KCNQ1: variants seen among roughly 807,000 people sequenced by gnomAD.
KCNQ1 encodes potassium voltage-gated channel subfamily Q member 1.
Under a neutral mutation model 72.4 loss-of-function variants are expected in KCNQ1, and 49 were observed. The observed-to-expected ratio is 0.68, with a 90% CI of 0.54 to 0.86. KCNQ1 has a LOEUF of 0.86. Among genes scored for constraint, KCNQ1 ranks in the 40% least tolerant of loss-of-function variants. KCNQ1 has a pLI of 0.00. For missense variants in KCNQ1, 790 were observed against 945.1 expected (o/e 0.84, Z 2.15); for synonymous variants, 450 against 412.6 (o/e 1.09, Z -1.10).
Position 2,734,307 on chromosome 11 carries a change from T to C in KCNQ1, c.1515-34537T>C, listed in dbSNP as rs370755181. ...AGGGCAGGGGTGGCCAAAAGGCGCC[T>C]AGAAGGCTGGACTTTCCGTGAGGTG... On this transcript the variant is annotated intron_variant, in intron 11 of 15. Coordinates refer to ENST00000155840, the MANE Select transcript of KCNQ1 (RefSeq NM_000218.3). The surrounding 1 kb of genome is among the most constrained non-coding windows in gnomAD (Gnocchi z 7.0). Among the ~76,000 whole-genome samples, 68 of 152,326 alleles carry C rather than the reference T, an allele frequency of 4.5e-4. 1 individual carries two copies. In the South Asian group the frequency reaches 0.014, roughly 31 times the overall value.
intron 11 of KCNQ1, chr11:2,693,589 A>T: frequency 2.5e-6 from 1 of 398,648 alleles, no homozygotes; most frequent in Non-Finnish European, 4.4e-6. Context: ...TCCATAAATG[A>T]GGCCACATTT....
chr11:2,538,814 T>TG lies in KCNQ1; in HGVS notation c.477+10800dup, dbSNP rs1847777090. Among the ~76,000 whole-genome samples, 2 of 27,444 alleles carry TG rather than the reference T, an allele frequency of 7.3e-5. No individual in the cohort carries two copies. The highest frequency in any genetic ancestry group is 1.5e-4 in the African/African-American group (1 of 6,830). 18.0% of individuals were successfully genotyped at this position (27,444 alleles called of 152,430 possible). ...CAAGTTTGTTCAGAACAAGATGGGG[T>TG]GGGGTGGGGGGCAGTGAGGGGCCTG... On this transcript the variant is annotated intron_variant, in intron 2 of 15. Transcript: ENST00000155840. This position sits in a 1 kb window ranked among gnomAD's most constrained non-coding sequence, Gnocchi z 6.7.
intron 8 of KCNQ1, 26 bp downstream of exon 8, chr11:2,585,333 A>G: frequency 3.7e-6 from 6 of 1,600,638 alleles, no homozygotes; most frequent in Non-Finnish European, 5.1e-6. Context: ...GGCCCTGGTC[A>G]CTGTCATTTT....
At chr11:2,761,783 C>G (rs947780017) in intron 11 of KCNQ1, among the ~76,000 whole-genome samples, 6 of 152,266 alleles carry the variant, frequency 3.9e-5, no homozygotes, top group African/African-American at 7.2e-5. Context: ...ATGGCCTGGA[C>G]AGAGCTGGGG....
intron 15 of KCNQ1, among the ~76,000 whole-genome samples, chr11:2,794,576 G>A (rs1486948458): frequency 6.6e-6 from 1 of 152,188 alleles, no homozygotes; most frequent in Non-Finnish European, 1.5e-5. Flanking sequence ...CCCCAAAGAT[G>A]CTGGACCTTA....
rs1024234782 is a variant in KCNQ1, at chr11:2,463,861, C to G, written c.386+18377C>G. Among the ~76,000 whole-genome samples, 2 of 151,564 alleles carry G rather than the reference C, an allele frequency of 1.3e-5. No homozygotes were observed. The highest frequency in any genetic ancestry group is 2.9e-5 in the Non-Finnish European group (2 of 67,850). On this transcript the variant is annotated intron_variant, in intron 1 of 15. Transcript: ENST00000155840. The surrounding 1 kb of genome is among the most constrained non-coding windows in gnomAD (Gnocchi z 7.0). Reference sequence around the variant, plus strand: ...CTCCCTGTAGGTGCTTGTGTAGATGCCCCCGTGCGGGGACTTGTTTGGCTG... The same window carrying G: ...CTCCCTGTAGGTGCTTGTGTAGATGGCCCCGTGCGGGGACTTGTTTGGCTG...
chr11:2,604,931 A>G (rs928396769), intron 10 of KCNQ1, among the ~76,000 whole-genome samples: 3 of 152,208 alleles, frequency 2.0e-5, no homozygotes, highest in African/African-American at 7.2e-5. Flanking sequence ...AGCACTGCGC[A>G]AGTTCTCCAT....
chr11:2,795,170 A>T (rs1036534758), intron 15 of KCNQ1, among the ~76,000 whole-genome samples: 65 of 152,286 alleles, frequency 4.3e-4, no homozygotes, highest in African/African-American at 9.4e-4. Flanking sequence ...CAGTCTCCGC[A>T]TCTCGCCTCC....
In KCNQ1 at chr11:2,847,763, G is replaced by T; in HGVS notation, c.1795-4G>T. On this transcript the variant is annotated splice_region_variant and splice_polypyrimidine_tract_variant and intron_variant, in intron 15 of 15. Transcript: ENST00000155840. ...GACTCTCTCGTCTGCCTTTGTCCCC[G>T]CAGGTGACGCAGCTGGACCAGAGGC... 1 of 1,572,310 alleles carries T rather than the reference G, an allele frequency of 6.4e-7. No homozygotes were observed. Among genetic ancestry groups the T allele is most frequent in the Non-Finnish European group, 8.6e-7 (1 of 1,158,310 alleles).
Position 2,764,940 on chromosome 11 carries a change from C to T in KCNQ1, c.1515-3904C>T, listed in dbSNP as rs1215348648. On this transcript the variant is annotated intron_variant, in intron 11 of 15. Coordinates refer to ENST00000155840, the MANE Select transcript of KCNQ1 (RefSeq NM_000218.3). This position sits in a 1 kb window ranked among gnomAD's most constrained non-coding sequence, Gnocchi z 4.8. ...CTGTTTTATTAGTCTCTTCTGAGAA[C>T]CAAATTTTGGCTTTGTTGATTTTCC... Among the ~76,000 whole-genome samples the T allele has an allele frequency of 6.6e-6, 1 of 152,100 alleles. No individual in the cohort carries two copies. The highest frequency in any genetic ancestry group is 2.4e-5 in the African/African-American group (1 of 41,416).
chr11:2,454,795 A>G (rs761661998), intron 1 of KCNQ1, among the ~76,000 whole-genome samples: 3 of 152,214 alleles, frequency 2.0e-5, no homozygotes, highest in Non-Finnish European at 4.4e-5. Flanking sequence ...TCTATGACAA[A>G]CCCATGGTAA....
At chr11:2,524,544 G>T (rs1705074578) in intron 1 of KCNQ1, among the ~76,000 whole-genome samples, 1 of 152,346 alleles carries the variant, frequency 6.6e-6, no homozygotes, top group Non-Finnish European at 1.5e-5. Context: ...GGCGTGGGTA[G>T]CGGGCAGTGG....
chr11:2,553,769 G>A (rs745868320), intron 2 of KCNQ1, among the ~76,000 whole-genome samples: 11 of 151,716 alleles, frequency 7.3e-5, no homozygotes, highest in African/African-American at 1.2e-4. Flanking sequence ...AAGCTGGAGC[G>A]CAATGGCGTG....
At chr11:2,776,950 C>T in intron 13 of KCNQ1, 36 bp from the exon 14 acceptor site, 1 of 1,606,720 alleles carries the variant, frequency 6.2e-7, no homozygotes, top group South Asian at 1.1e-5. Context: ...AGTGCCAGGG[C>T]CAGGTGTGAA....
intron 15 of KCNQ1, among the ~76,000 whole-genome samples, chr11:2,796,845 G>T (rs1847144361): frequency 6.6e-6 from 1 of 152,186 alleles, no homozygotes; most frequent in African/African-American, 2.4e-5. Context: ...CAGATGTGGC[G>T]GTGAGAAAAC....
At position 2,816,751 on chromosome 11, in the gene KCNQ1, G is replaced by A. The variant is rs542405494; in HGVS notation, c.1795-31016G>A. ...CCTGGCTGGACTCCCTGCACTGAAC[G>A]CTCCTCCCAGCTCATGCTTTCCAAA... On this transcript the variant is annotated intron_variant, in intron 15 of 15. Coordinates refer to ENST00000155840, the MANE Select transcript of KCNQ1 (RefSeq NM_000218.3). This position sits in a 1 kb window ranked among gnomAD's most constrained non-coding sequence, Gnocchi z 6.8. Among the ~76,000 whole-genome samples the A allele has an allele frequency of 1.4e-3, 206 of 152,154 alleles. No individual in the cohort carries two copies. Among genetic ancestry groups the A allele is most frequent in the Non-Finnish European group, 2.5e-3 (170 of 67,960 alleles).
At chr11:2,502,102 A>T (rs1284882445) in intron 1 of KCNQ1, among the ~76,000 whole-genome samples, 1 of 152,246 alleles carries the variant, frequency 6.6e-6, no homozygotes, top group East Asian at 1.9e-4. Context: ...CTGAATGGGG[A>T]AAAACTGAAG....
At chr11:2,842,004 C>T (rs139790568) in intron 15 of KCNQ1, among the ~76,000 whole-genome samples, 2 of 152,306 alleles carry the variant, frequency 1.3e-5, no homozygotes, top group Non-Finnish European at 2.9e-5. Flanking sequence ...TGCGCTGTGC[C>T]GAGGACCCGC....
In KCNQ1 at chr11:2,659,264, A is replaced by G. The variant is rs1849908640; in HGVS notation, c.1394-2697A>G. 1 of 398,432 alleles carries G rather than the reference A, an allele frequency of 2.5e-6. No homozygotes were observed. The highest frequency in any genetic ancestry group is 1.3e-4 in the South Asian group (1 of 7,860). 24.7% of individuals were successfully genotyped at this position (398,432 alleles called of 1,614,324 possible). A position where few individuals can be genotyped will look rare whatever the true frequency, so the allele number is the denominator to read the frequency against. Reference sequence around the variant, plus strand: ...TGGGGTGAGTCTTTTGAAGTCAAGTACTTCTCCCCTAACCACTGGCAGCTA... The same window carrying G: ...TGGGGTGAGTCTTTTGAAGTCAAGTGCTTCTCCCCTAACCACTGGCAGCTA... On this transcript the variant is annotated intron_variant, in intron 10 of 15. Coordinates refer to ENST00000155840, the MANE Select transcript of KCNQ1 (RefSeq NM_000218.3). The surrounding 1 kb of genome is among the most constrained non-coding windows in gnomAD (Gnocchi z 4.3).
Sources: gnomAD v4.1 joint callset for allele counts (sites outside exome capture counted in the v4.1 genomes callset) on GRCh38, gnomAD v4.1.1 for gene constraint, Gnocchi (gnomAD v3.1) non-coding constraint, MANE v1.5 for transcripts, NCBI Gene and HGNC (gene_info 2026-07-23, HGNC 2026-07-21) for gene names.